Variants in MOSPD3 observed in about 807,000 individuals in gnomAD.
MOSPD3 encodes the protein motile sperm domain-containing protein 3.
In MOSPD3, 20 loss-of-function variants were observed where a neutral mutation model predicts 23.3. That is an observed-to-expected ratio of 0.86 (90% CI 0.61 to 1.25). MOSPD3 has a LOEUF of 1.25. MOSPD3 is among the 50% of genes most tolerant of loss of function. The pLI, the probability that MOSPD3 is intolerant of heterozygous loss-of-function variation, is 0.00. For synonymous variants in MOSPD3, 136 were observed against 135.2 expected (o/e 1.01, Z -0.04); for missense variants, 307 against 315.7 (o/e 0.97, Z 0.21).
chr7:100,614,165 G>A (rs1021839778), intron 3 of MOSPD3, among the ~76,000 whole-genome samples: 10 of 152,142 alleles, frequency 6.6e-5, no homozygotes, highest in Non-Finnish European at 1.5e-4. Context: ...TACCCCTGGA[G>A]GGCAGTAAAA....
rs1802969650 is a variant in MOSPD3 at position 100,615,373 on chromosome 7, G to A, written c.*190G>A. 3 of 584,958 alleles carry A rather than the reference G, an allele frequency of 5.1e-6. No individual in the cohort carries two copies. The highest frequency in any genetic ancestry group is 8.8e-6 in the Non-Finnish European group (3 of 339,424). 36.2% of individuals were successfully genotyped at this position (584,958 alleles called of 1,614,324 possible). On this transcript the variant is annotated 3_prime_UTR_variant, in exon 5 of 5. Coordinates refer to ENST00000393950, the MANE Select transcript of MOSPD3 (RefSeq NM_023948.5). Reference sequence around the variant, plus strand: ...GTTGAATAAAATACATTTTTAAAATGATAATCAGAAATGTAGGGTACTTGC... The same window carrying A: ...GTTGAATAAAATACATTTTTAAAATAATAATCAGAAATGTAGGGTACTTGC...
In MOSPD3 at chr7:100,612,721, G is replaced by A. The variant is rs2131295582; in HGVS notation, c.-71G>A. 2.4e-6 allele frequency: 3 copies of A among 1,248,114 alleles called. No individual in the cohort carries two copies. The highest frequency in any genetic ancestry group is 3.3e-6 in the Non-Finnish European group (3 of 902,736). 77.3% of individuals were successfully genotyped at this position (1,248,114 alleles called of 1,614,324 possible). On this transcript the variant is annotated 5_prime_UTR_variant, in exon 1 of 5. Coordinates refer to ENST00000393950, the MANE Select transcript of MOSPD3 (RefSeq NM_023948.5). ...CATCTTGTCCCCTTTCGCCCCTCAC[G>A]CCCCCCAGCTCTGACTCCAGGCCCT...
Position 100,615,296 on chromosome 7 carries a change from TC to T in MOSPD3, c.*117del. 1.1e-6 allele frequency: 1 copy of T among 870,272 alleles called. No individual in the cohort carries two copies. The highest frequency in any genetic ancestry group is 1.7e-6 in the Non-Finnish European group (1 of 574,760). 53.9% of individuals were successfully genotyped at this position (870,272 alleles called of 1,614,324 possible). ...CTACCCTCTTCTCTTTCCTGCCTAC[TC>T]CCCACTCCTCCCTGACAAAAAACAC... is the stretch of plus-strand genomic sequence containing the variant. On this transcript the variant is annotated 3_prime_UTR_variant, in exon 5 of 5. Transcript: ENST00000393950.
intron 3 of MOSPD3, among the ~76,000 whole-genome samples, chr7:100,614,417 G>A (rs1483834914): frequency 6.6e-6 from 1 of 150,534 alleles, no homozygotes; most frequent in Non-Finnish European, 1.5e-5. Context: ...AGTGAGTCAG[G>A]ATTGTGTGGC....
Position 100,612,910 on chromosome 7 carries a change from A to G in MOSPD3, c.119A>G (p.Asp40Gly). The G allele has an allele frequency of 6.2e-7, 1 of 1,612,952 alleles. No individual in the cohort carries two copies. Residue 40 changes from aspartate (D) to glycine (G), a missense_variant, in exon 1 of 5, where the codon GAT (aspartate) becomes GGT (glycine). Coordinates refer to ENST00000393950, the MANE Select transcript of MOSPD3 (RefSeq NM_023948.5). Reference protein sequence around the residue: ...PVVPVLVFPPDLVFRADQRSG... With the variant: ...PVVPVLVFPPGLVFRADQRSG... ...GTCCCGGTCCTGGTCTTTCCCCCGGATCTAGTATTCAGGGCGGACCAGCGG... is the reference window on the plus strand; with the variant it reads ...GTCCCGGTCCTGGTCTTTCCCCCGGGTCTAGTATTCAGGGCGGACCAGCGG...
chr7:100,614,712 C>T (rs1173354095), intron 3 of MOSPD3, among the ~76,000 whole-genome samples, 155 bp from the exon 4 acceptor site: 4 of 152,032 alleles, frequency 2.6e-5, no homozygotes, highest in Non-Finnish European at 5.9e-5. Context: ...AGTTCCAGAC[C>T]AGCCTGGACA....
chr7:100,613,427 G>T, intron 2 of MOSPD3, 50 bp from the exon 3 acceptor site: 1 of 1,598,964 alleles, frequency 6.3e-7, no homozygotes, highest in African/African-American at 1.3e-5. Flanking sequence ...GATTTCCTTG[G>T]ATTACTGCCT....
chr7:100,613,687 G>C lies in MOSPD3; in HGVS notation c.492G>C (p.Thr164=). The C allele has an allele frequency of 6.2e-7, 1 of 1,612,996 alleles. No homozygotes were observed. The highest frequency in any genetic ancestry group is 8.5e-7 in the Non-Finnish European group (1 of 1,180,002). Residue 164 remains threonine (T), a synonymous_variant, in exon 3 of 5, where the codon ACG becomes ACC. Coordinates refer to ENST00000393950, the MANE Select transcript of MOSPD3 (RefSeq NM_023948.5). ...PGPPAGTPPP[T]ARHFQEHPRQ... is the part of the protein sequence containing the mutation. The stretch of plus-strand genomic sequence containing the variant: ...CTCCTGCTGGGACACCACCACCCAC[G>C]GCCAGACACTTCCAGGAGCGTGAGT...
At position 100,614,892 on chromosome 7, in the gene MOSPD3, C is replaced by T. The variant is rs994915133; in HGVS notation, c.537C>T (p.Ser179=). ...QEHPRQQLAT[S]SFLLFLLTGI... ...ACCCCCGCCAGCAACTGGCCACCAG[C>T]TCCTTCCTCCTCTTCTTGCTGACGG... Residue 179 remains serine, a synonymous_variant, in exon 4 of 5, where the codon AGC becomes AGT. Transcript: ENST00000393950. 20 of 1,614,088 alleles carry T rather than the reference C, an allele frequency of 1.2e-5. No homozygotes were observed. The Admixed American group carries it at 3.0e-4, about 24-fold the overall frequency.
At chr7:100,615,130 TC>T in intron 4 of MOSPD3, 21 bp from the exon 5 acceptor site, 1 of 1,614,042 alleles carries the variant, frequency 6.2e-7, no homozygotes, top group South Asian at 1.1e-5. Flanking sequence ...GCGACCCTAT[TC>T]TTTCTTTGTC....
intron 2 of MOSPD3, 41 bp downstream of exon 2, chr7:100,613,310 G>C (rs778970694): frequency 6.3e-7 from 1 of 1,586,440 alleles, no homozygotes; most frequent in Admixed American, 1.7e-5. Flanking sequence ...TGGAAGCCAG[G>C]GGTCGCTGCC....
chr7:100,615,073 G>C (rs1802957353), intron 4 of MOSPD3, 42 bp downstream of exon 4: 1 of 1,613,998 alleles, frequency 6.2e-7, no homozygotes. Context: ...CCAGGAAAAA[G>C]GGAGAAGGGA....
At chr7:100,613,970 C>A (rs557602043) in intron 3 of MOSPD3, among the ~76,000 whole-genome samples, 2 of 152,266 alleles carry the variant, frequency 1.3e-5, no homozygotes, top group East Asian at 1.9e-4. Flanking sequence ...CAGTTCAGTT[C>A]AATAAGAAAC....
intron 1 of MOSPD3, 72 bp from the exon 2 acceptor site, chr7:100,613,122 C>A: frequency 6.3e-7 from 1 of 1,585,516 alleles, no homozygotes; most frequent in Non-Finnish European, 8.7e-7. Flanking sequence ...GTCCAGCCTC[C>A]GGGGCAGAAG....
chr7:100,613,673 A>G lies in MOSPD3; in HGVS notation c.478A>G (p.Thr160Ala). 6.2e-7 allele frequency: 1 copy of G among 1,613,534 alleles called. No homozygotes were observed. The change falls in exon 3 of 5, where the codon ACA becomes GCA. Residue 160 changes from threonine to alanine, a missense_variant. By Grantham distance (58) the Thr-to-Ala change is moderately conservative. Coordinates refer to ENST00000393950, the MANE Select transcript of MOSPD3 (RefSeq NM_023948.5). ...GCCTCGCCCAGGGCCTCCTGCTGGG[A>G]CACCACCACCCACGGCCAGACACTT... is the stretch of plus-strand genomic sequence containing the variant. The part of the protein sequence containing the change: ...PAPRPGPPAG[T>A]PPPTARHFQE...
chr7:100,615,025 G>T lies in MOSPD3; in HGVS notation c.670G>T (p.Val224Phe). The T allele has an allele frequency of 6.2e-7, 1 of 1,614,194 alleles. No homozygotes were observed. Among genetic ancestry groups the T allele is most frequent in the South Asian group, 1.1e-5 (1 of 91,090 alleles). The change falls in exon 4 of 5, where the codon GTC becomes TTC. Residue 224 changes from valine (V) to phenylalanine (F), a missense_variant. Val to Phe is a conservative substitution (Grantham distance 50, BLOSUM62 -1). Transcript: ENST00000393950. ...SLGQKLVAAY[V>F]LGLLTMVFLR... ...GGGACAAAAGTTGGTGGCCGCCTACGTCTTGGGTGAGGACAGTAGTGGCCA... is the reference window on the plus strand; with the variant it reads ...GGGACAAAAGTTGGTGGCCGCCTACTTCTTGGGTGAGGACAGTAGTGGCCA...
intron 2 of MOSPD3, 65 bp from the exon 3 acceptor site, chr7:100,613,412 G>T: frequency 1.9e-6 from 3 of 1,572,454 alleles, no homozygotes; most frequent in Non-Finnish European, 2.6e-6. Context: ...CTGGGGGGAG[G>T]CCCAGATTTC....
chr7:100,614,230 G>A (rs2131298314), intron 3 of MOSPD3, among the ~76,000 whole-genome samples: 1 of 152,258 alleles, frequency 6.6e-6, no homozygotes, highest in Middle Eastern at 3.4e-3. Context: ...TTGGGAGGCT[G>A]AGGTGGGCTG....
At chr7:100,615,057 C>T (rs767612283) in intron 4 of MOSPD3, 26 bp downstream of exon 4, 3 of 1,614,214 alleles carry the variant, frequency 1.9e-6, no homozygotes, top group Non-Finnish European at 2.5e-6. Flanking sequence ...GCCAGGGACC[C>T]AGGCCCCAGG....
Sources: gnomAD v4.1 joint callset for allele counts (sites outside exome capture counted in the v4.1 genomes callset) on GRCh38, gnomAD v4.1.1 for gene constraint, MANE v1.5 for transcripts, NCBI Gene and HGNC (gene_info 2026-07-23, HGNC 2026-07-21) for gene names.